Variants in DUSP22 observed in about 807,000 individuals in gnomAD.
DUSP22 encodes dual specificity protein phosphatase 22.
Under a neutral mutation model 24.5 loss-of-function variants are expected in DUSP22, and 24 were observed. The ratio of observed to expected loss-of-function variants is 0.98; its 90% CI spans 0.71 to 1.38. The LOEUF (loss-of-function observed/expected upper bound fraction) is 1.38, where lower values mean the gene tolerates loss of function less well. Ranked by LOEUF, DUSP22 falls within the 40% of genes most tolerant of loss-of-function variation. DUSP22 has a pLI of 0.00. For synonymous variants in DUSP22, 160 were observed against 106.4 expected (o/e 1.50, Z -3.10); for missense variants, 330 against 269.2 (o/e 1.23, Z -1.58).
chr6:335,050 A>C, intron 3 of DUSP22, 64 bp from the exon 4 acceptor site: 1 of 1,562,248 alleles, frequency 6.4e-7, no homozygotes, highest in East Asian at 2.3e-5. Context: ...TAGTTCCTTA[A>C]ATACTTTTCT....
In DUSP22 at chr6:351,316, CTA is replaced by C. The variant is rs1477886782; in HGVS notation, c.*2367_*2368del. The C allele has an allele frequency of 1.1e-5, 2 of 175,732 alleles. No homozygotes were observed. The highest frequency in any genetic ancestry group is 2.4e-5 in the African/African-American group (1 of 42,130). The allele number at this position is 175,732 out of a possible 1,614,324, so 10.9% of individuals were successfully genotyped here. A position where few individuals can be genotyped will look rare whatever the true frequency, so the allele number is the denominator to read the frequency against. ...TCCGTGGTGGAATTGACCGAAAGCTCTATGTTTTCGTTAATAAAGGGCAACTT... is the reference window on the plus strand; with the variant it reads ...TCCGTGGTGGAATTGACCGAAAGCTCTGTTTTCGTTAATAAAGGGCAACTT... On this transcript the variant is annotated 3_prime_UTR_variant, in exon 7 of 7. Coordinates refer to ENST00000419235, the MANE Select transcript of DUSP22 (RefSeq NM_001286555.3).
chr6:318,289 A>G (rs1332627786), intron 3 of DUSP22, among the ~76,000 whole-genome samples: 1 of 152,310 alleles, frequency 6.6e-6, no homozygotes, highest in African/African-American at 2.4e-5. Context: ...AGGATTTGCC[A>G]TGGTCAAGCC....
intron 1 of DUSP22, among the ~76,000 whole-genome samples, chr6:297,096 C>T (rs1258101572): frequency 2.0e-5 from 3 of 152,308 alleles, no homozygotes; most frequent in East Asian, 3.8e-4. Context: ...ATCTGGGGCA[C>T]CTCCACCACT....
intron 2 of DUSP22, among the ~76,000 whole-genome samples, chr6:310,868 AT>A (rs1296744978): frequency 6.6e-6 from 1 of 152,308 alleles, no homozygotes; most frequent in African/African-American, 2.4e-5. Flanking sequence ...GTAATCCATC[AT>A]GATTACAATG....
intron 2 of DUSP22, 132 bp from the exon 3 acceptor site, chr6:311,748 A>G (rs1758110276): frequency 1.1e-6 from 1 of 948,804 alleles, no homozygotes; most frequent in East Asian, 2.9e-5. Flanking sequence ...TCCTACATGT[A>G]TGGTCAGTTA....
chr6:316,261 A>T (rs1197302356), intron 3 of DUSP22, among the ~76,000 whole-genome samples: 3 of 152,298 alleles, frequency 2.0e-5, no homozygotes, highest in Non-Finnish European at 4.4e-5. Flanking sequence ...CCTGCCAGCC[A>T]TAGCCCTTCA....
chr6:335,152 A>T lies in DUSP22; in HGVS notation c.177A>T (p.Pro59=), dbSNP rs375738870. ...KYLCIPAADS[P]SQNLTRHFKE... is the part of the protein sequence containing the mutation. ...TGTGCATCCCAGCAGCGGATTCACCATCTCAAAACCTGTAAGTTTCTTATT... is the reference window on the plus strand; with the variant it reads ...TGTGCATCCCAGCAGCGGATTCACCTTCTCAAAACCTGTAAGTTTCTTATT... The change falls in exon 4 of 7, where the codon CCA becomes CCT. Residue 59 remains proline (P), a synonymous_variant. Coordinates refer to ENST00000419235, the MANE Select transcript of DUSP22 (RefSeq NM_001286555.3). 1 of 1,613,756 alleles carries T rather than the reference A, an allele frequency of 6.2e-7. No homozygotes were observed.
At chr6:299,101 CTTA>C (rs1757469049) in intron 1 of DUSP22, among the ~76,000 whole-genome samples, 2 of 152,424 alleles carry the variant, frequency 1.3e-5, no homozygotes, top group South Asian at 4.1e-4. Flanking sequence ...CAATTCTGTG[CTTA>C]TTACTTCAGC....
intron 1 of DUSP22, among the ~76,000 whole-genome samples, chr6:297,654 G>T (rs1017148674): frequency 6.6e-6 from 1 of 152,302 alleles, no homozygotes; most frequent in African/African-American, 2.4e-5. Context: ...ATCCCCTGGG[G>T]AGTGAAATCA....
intron 3 of DUSP22, among the ~76,000 whole-genome samples, chr6:314,271 C>A (rs529791644): frequency 6.6e-6 from 1 of 152,302 alleles, no homozygotes; most frequent in Admixed American, 6.5e-5. Context: ...CAAAACCATA[C>A]GTATTTATTG....
intron 3 of DUSP22, chr6:320,113 G>C (rs1170270019): frequency 6.6e-6 from 1 of 152,512 alleles, no homozygotes; most frequent in Admixed American, 6.5e-5. Flanking sequence ...AGATCTTCCA[G>C]TACTTAACTG....
intron 4 of DUSP22, among the ~76,000 whole-genome samples, 161 bp from the exon 5 acceptor site, chr6:345,693 A>T (rs1300654352): frequency 3.3e-5 from 5 of 152,310 alleles, no homozygotes; most frequent in Non-Finnish European, 7.3e-5. Context: ...GTATACATGC[A>T]TTGAAGTGTC....
intron 3 of DUSP22, among the ~76,000 whole-genome samples, chr6:314,640 G>T (rs1353788766): frequency 5.3e-5 from 8 of 152,306 alleles, no homozygotes; most frequent in Admixed American, 5.2e-4. Flanking sequence ...CCTCTGGAAG[G>T]TTCACAGTTG....
intron 5 of DUSP22, among the ~76,000 whole-genome samples, chr6:347,892 G>C (rs763960136): frequency 2.0e-5 from 3 of 152,422 alleles, no homozygotes; most frequent in East Asian, 1.9e-4. Flanking sequence ...AACAGCAGAA[G>C]AAAGCATGCG....
At chr6:328,516 A>G (rs2127408895) in intron 3 of DUSP22, among the ~76,000 whole-genome samples, 1 of 152,424 alleles carries the variant, frequency 6.6e-6, no homozygotes, top group African/African-American at 2.4e-5. Flanking sequence ...GAGGTTTCTC[A>G]TTTGCATGTT....
intron 1 of DUSP22, among the ~76,000 whole-genome samples, chr6:296,370 A>G (rs1236509812): frequency 6.6e-6 from 1 of 152,304 alleles, no homozygotes; most frequent in Non-Finnish European, 1.5e-5. Flanking sequence ...ACAGAGGCTA[A>G]GGGAACTGCC....
At chr6:321,298 A>G (rs992949608) in intron 3 of DUSP22, among the ~76,000 whole-genome samples, 13 of 152,420 alleles carry the variant, frequency 8.5e-5, no homozygotes, top group African/African-American at 3.1e-4. Flanking sequence ...AGATTAGCAA[A>G]GACATTGTTT....
Position 348,230 on chromosome 6 carries a change from T to C in DUSP22, c.391T>C (p.Phe131Leu), listed in dbSNP as rs1324147092. ...ATCCTGTGCCAACCCCAACGTGGGC[T>C]TCCAGAGACAGCTCCAGGAGTTTGA... The part of the protein sequence containing the change: ...GRSCANPNVG[F>L]QRQLQEFEKH... The change falls in exon 6 of 7, where the codon TTC becomes CTC. Residue 131 changes from phenylalanine to leucine, a missense_variant. Phe to Leu is a conservative substitution (Grantham distance 22, BLOSUM62 0). Transcript: ENST00000419235. The C allele has an allele frequency of 6.2e-7, 1 of 1,614,312 alleles. No homozygotes were observed. Among genetic ancestry groups the C allele is most frequent in the East Asian group, 2.2e-5 (1 of 44,896 alleles).
Position 350,505 on chromosome 6 carries a change from G to A in DUSP22, c.*1554G>A, listed in dbSNP as rs1760145200. The A allele has an allele frequency of 7.8e-7, 1 of 1,282,572 alleles. No homozygotes were observed. The highest frequency in any genetic ancestry group is 9.9e-7 in the Non-Finnish European group (1 of 1,010,870). The allele number at this position is 1,282,572 out of a possible 1,614,324, so 79.4% of individuals were successfully genotyped here. A position where few individuals can be genotyped will look rare whatever the true frequency, so the allele number is the denominator to read the frequency against. ...GAAGAGCAGTTTTCCTGTGCATATAGAGGGTGTGTCAAAGGTGAGCTTTTT... is the reference window on the plus strand; with the variant it reads ...GAAGAGCAGTTTTCCTGTGCATATAAAGGGTGTGTCAAAGGTGAGCTTTTT... On this transcript the variant is annotated 3_prime_UTR_variant, in exon 7 of 7. Transcript: ENST00000419235.
Sources: allele counts gnomAD v4.1 joint callset (sites outside exome capture counted in the v4.1 genomes callset), GRCh38; gene constraint gnomAD v4.1.1; transcripts MANE v1.5; gene names NCBI Gene and HGNC (gene_info 2026-07-23, HGNC 2026-07-21).